The following KCNH8 variants were observed in gnomAD, a reference collection of about 807,000 sequenced individuals.
KCNH8 encodes potassium voltage-gated channel subfamily H member 8.
Under a neutral mutation model 103.6 loss-of-function variants are expected in KCNH8, and 70 were observed. That is an observed-to-expected ratio of 0.68 (90% CI 0.56 to 0.82). The LOEUF (loss-of-function observed/expected upper bound fraction) is 0.82, where lower values mean the gene tolerates loss of function less well. KCNH8 is among the 40% of genes least tolerant of loss of function. The pLI is 0.00. For missense variants in KCNH8, 1,217 were observed against 1,329.9 expected (o/e 0.92, Z 1.32); for synonymous variants, 498 against 489.4 (o/e 1.02, Z -0.23).
chr3:19,515,498 ATTT>A (rs56353870), intron 14 of KCNH8, 70 bp downstream of exon 14: 1,456 of 441,054 alleles, frequency 3.3e-3, no homozygotes, highest in South Asian at 8.3e-3. Flanking sequence ...TGTTATGGGC[ATTT>A]TTTTTTTTTT....
chr3:19,202,910 A>G (rs1023427391), intron 1 of KCNH8, among the ~76,000 whole-genome samples: 3 of 152,164 alleles, frequency 2.0e-5, no homozygotes, highest in East Asian at 1.9e-4. Context: ...GACTACACAC[A>G]TATCACTAAC....
intron 11 of KCNH8, among the ~76,000 whole-genome samples, chr3:19,483,182 G>T (rs192855611): frequency 1.2e-4 from 18 of 152,246 alleles, no homozygotes; most frequent in Admixed American, 1.0e-3. Flanking sequence ...CACTGGTCAG[G>T]TAATTTCGCA....
intron 11 of KCNH8, among the ~76,000 whole-genome samples, chr3:19,477,424 C>CT (rs898684189): frequency 0.059 from 7,702 of 130,970 alleles, 550 homozygotes; most frequent in African/African-American, 0.19. Context: ...TTTTGGTTTT[C>CT]TTTTTTTTTT....
chr3:19,301,069 A>T (rs1257653605), intron 3 of KCNH8, among the ~76,000 whole-genome samples: 1 of 151,420 alleles, frequency 6.6e-6, no homozygotes, highest in East Asian at 1.9e-4. Flanking sequence ...GGTATGAGCA[A>T]TATTATTATC....
intron 3 of KCNH8, among the ~76,000 whole-genome samples, chr3:19,302,257 T>A (rs2065072679): frequency 6.6e-6 from 1 of 152,102 alleles, no homozygotes; most frequent in Non-Finnish European, 1.5e-5. Flanking sequence ...AGGCTTACTG[T>A]GAATAACAAA....
chr3:19,311,307 C>A (rs1181826424), intron 3 of KCNH8, among the ~76,000 whole-genome samples: 3 of 151,562 alleles, frequency 2.0e-5, no homozygotes, highest in African/African-American at 4.8e-5. Flanking sequence ...CTTATTAACA[C>A]CATTTTTAAA....
In KCNH8 at chr3:19,512,990, C is replaced by T. The variant is rs1288506370; in HGVS notation, c.2100C>T (p.Gly700=). The T allele has an allele frequency of 6.2e-7, 1 of 1,607,608 alleles. No homozygotes were observed. The highest frequency in any genetic ancestry group is 2.2e-5 in the East Asian group (1 of 44,606). The change falls in exon 13 of 16, where the codon GGC becomes GGT. Residue 700 remains glycine (G), a synonymous_variant. Coordinates refer to ENST00000328405, the MANE Select transcript of KCNH8 (RefSeq NM_144633.3). The stretch of plus-strand genomic sequence containing the variant: ...TTTAGTCAGAGCCCAAGGGAAATGG[C>T]AACATCAACAAGCGACTCCCATCCA... ...MVSQSEPKGN[G]NINKRLPSIV... is the part of the protein sequence containing the mutation.
At chr3:19,267,285 C>A (rs2064525489) in intron 2 of KCNH8, among the ~76,000 whole-genome samples, 1 of 152,054 alleles carries the variant, frequency 6.6e-6, no homozygotes. Flanking sequence ...ACTCAGAAAT[C>A]CCCATGCCTG....
Position 19,254,257 on chromosome 3 carries a change from T to C in KCNH8, c.310+370T>C, listed in dbSNP as rs865860118. Among the ~76,000 whole-genome samples the C allele has an allele frequency of 5.9e-5, 9 of 152,238 alleles. No individual in the cohort carries two copies. In the Middle Eastern group the frequency reaches 0.01, roughly 173 times the overall value. ...ATCCAGGAGTATTTCTCAAATTTTA[T>C]GCCTTTAAAGAACTACATCTCAATT... On this transcript the variant is annotated intron_variant, in intron 2 of 15. Transcript: ENST00000328405.
chr3:19,315,372 C>T (rs1041768790), intron 3 of KCNH8, among the ~76,000 whole-genome samples: 8 of 151,938 alleles, frequency 5.3e-5, no homozygotes, highest in African/African-American at 1.9e-4. Flanking sequence ...GGAAAAGTTG[C>T]CTGCACTCTC....
intron 3 of KCNH8, among the ~76,000 whole-genome samples, chr3:19,282,912 A>G (rs555215898): frequency 6.6e-6 from 1 of 152,264 alleles, no homozygotes; most frequent in South Asian, 2.1e-4. Flanking sequence ...GGAAAACATG[A>G]AATATGTCTA....
chr3:19,372,905 G>T (rs1363259294), intron 5 of KCNH8, among the ~76,000 whole-genome samples: 1 of 151,940 alleles, frequency 6.6e-6, no homozygotes, highest in Non-Finnish European at 1.5e-5. Flanking sequence ...TTATATGCTG[G>T]ATTACATTTA....
chr3:19,169,420 G>A (rs905528973), intron 1 of KCNH8, among the ~76,000 whole-genome samples: 3 of 152,014 alleles, frequency 2.0e-5, no homozygotes, highest in Admixed American at 6.6e-5. Flanking sequence ...CTAATTTTTT[G>A]TATTTTTAGT....
intron 7 of KCNH8, among the ~76,000 whole-genome samples, chr3:19,418,738 A>G (rs2066899450): frequency 6.6e-6 from 1 of 152,196 alleles, no homozygotes. Flanking sequence ...GATTGATATA[A>G]TAATTTAGAA....
intron 7 of KCNH8, among the ~76,000 whole-genome samples, chr3:19,416,776 CTCA>C (rs2066869530): frequency 6.6e-6 from 1 of 152,072 alleles, no homozygotes; most frequent in African/African-American, 2.4e-5. Context: ...ATTCCTGTGC[CTCA>C]TAGATAGTGT....
chr3:19,310,951 C>A (rs2065199876), intron 3 of KCNH8, among the ~76,000 whole-genome samples: 1 of 151,788 alleles, frequency 6.6e-6, no homozygotes, highest in Non-Finnish European at 1.5e-5. Context: ...TTCCTCTTCA[C>A]TCCATCAGAT....
intron 2 of KCNH8, among the ~76,000 whole-genome samples, chr3:19,263,565 C>G (rs867776353): frequency 1.3e-5 from 2 of 152,070 alleles, no homozygotes; most frequent in Non-Finnish European, 1.5e-5. Context: ...AAAGTGCCTA[C>G]GCAAGGCCTC....
intron 12 of KCNH8, 43 bp from the exon 13 acceptor site, chr3:19,512,927 G>A (rs773608724): frequency 4.6e-5 from 72 of 1,556,144 alleles, no homozygotes; most frequent in East Asian, 1.6e-4. Context: ...CCTTTTCTGC[G>A]GTTTTTGCAG....
At chr3:19,169,921 C>T (rs1315421549) in intron 1 of KCNH8, among the ~76,000 whole-genome samples, 1 of 152,054 alleles carries the variant, frequency 6.6e-6, no homozygotes, top group Non-Finnish European at 1.5e-5. Context: ...AGTAAGATTA[C>T]ATTCAATACT....
Sources: allele counts gnomAD v4.1 joint callset (sites outside exome capture counted in the v4.1 genomes callset), GRCh38; gene constraint gnomAD v4.1.1; transcripts MANE v1.5; gene names NCBI Gene and HGNC (gene_info 2026-07-23, HGNC 2026-07-21).